TRIM66: variants seen among roughly 807,000 people sequenced by gnomAD.
The protein encoded by TRIM66 is tripartite motif-containing protein 66.
A neutral mutation model predicts 148.2 loss-of-function variants in TRIM66; 99 were observed. The observed-to-expected ratio is 0.67, with a 90% confidence interval of 0.57 to 0.79. The LOEUF (loss-of-function observed/expected upper bound fraction) is 0.79, where lower values mean the gene tolerates loss of function less well. TRIM66 is among the 30% of genes least tolerant of loss of function. TRIM66 has a pLI of 0.00. For synonymous variants in TRIM66, 616 were observed against 635.9 expected, an observed-to-expected ratio of 0.97 and a Z score of 0.47; for missense variants, 1,666 against 1,697.9, an observed-to-expected ratio of 0.98 and a Z score of 0.33.
At chr11:8,682,878 A>G (rs1266317381), upstream of TRIM66, 3 of 1,560,476 alleles carry the variant, frequency 1.9e-6, no homozygotes, top group Middle Eastern at 1.7e-4. Context: ...CTGTATTCCC[A>G]TTGCCCCTAG....
chr11:8,675,405 G>A (rs575313810), intron 3 of TRIM66, among the ~76,000 whole-genome samples: 1 of 152,224 alleles, frequency 6.6e-6, no homozygotes, highest in South Asian at 2.1e-4. Flanking sequence ...TTTTTTAGAT[G>A]CAGTTTTGCC....
chr11:8,620,917 G>A (rs1229191578), intron 20 of TRIM66, 115 bp downstream of exon 20: 1 of 1,361,050 alleles, frequency 7.3e-7, no homozygotes, highest in Non-Finnish European at 9.8e-7. Context: ...ATTCAAGCAG[G>A]TCCAGAAGAG....
intron 6 of TRIM66, among the ~76,000 whole-genome samples, chr11:8,655,346 G>A (rs1406480456): frequency 1.3e-5 from 2 of 152,202 alleles, no homozygotes; most frequent in African/African-American, 4.8e-5. Flanking sequence ...GCCCAGGGCT[G>A]GCAGTATCTA....
chr11:8,645,857 C>A lies in TRIM66; in HGVS notation c.988G>T (p.Glu330Ter). The A allele has an allele frequency of 6.4e-7, 1 of 1,551,682 alleles. No homozygotes were observed. Among genetic ancestry groups the A allele is most frequent in the Non-Finnish European group, 8.7e-7 (1 of 1,146,992 alleles). The change falls in exon 12 of 25, where the codon GAA becomes TAA. Residue 330 changes from glutamate (E) to a stop codon, truncating the protein, a stop_gained. Coordinates refer to ENST00000646038, the MANE Select transcript of TRIM66 (RefSeq NM_001388022.1). LOFTEE classifies it high-confidence loss of function. The part of the protein sequence containing the change: ...GITNERKRKL[E>*]QQLQSIMVLN... ...ACCATGATGCTCTGTAACTGCTGTT[C>A]CAGCTTCCGCTTTCTCTCATTAGTA...
intron 6 of TRIM66, among the ~76,000 whole-genome samples, chr11:8,669,670 G>C (rs1396701523): frequency 6.6e-6 from 1 of 151,720 alleles, no homozygotes; most frequent in Non-Finnish European, 1.5e-5. Context: ...CTCCTTTTGG[G>C]ATTTTATTCA....
At chr11:8,653,711 G>T (rs1428991540) in intron 6 of TRIM66, among the ~76,000 whole-genome samples, 1 of 151,720 alleles carries the variant, frequency 6.6e-6, no homozygotes, top group Non-Finnish European at 1.5e-5. Context: ...TGCAGTAAAA[G>T]CTAACTGATA....
At chr11:8,638,947 G>A (rs1359573347) in intron 14 of TRIM66, 132 bp from the exon 15 acceptor site, 14 of 951,408 alleles carry the variant, frequency 1.5e-5, no homozygotes, top group African/African-American at 5.1e-5. Flanking sequence ...CTGCTTAAAC[G>A]TTTTCCAAAA....
chr11:8,645,281 C>A (rs375372577), intron 12 of TRIM66, among the ~76,000 whole-genome samples: 2 of 152,164 alleles, frequency 1.3e-5, no homozygotes, highest in African/African-American at 4.8e-5. Flanking sequence ...TAAACTCCAT[C>A]GACTTCTCTC....
Position 8,651,792 on chromosome 11 carries a change from T to C in TRIM66, c.444+8A>G. The C allele has an allele frequency of 6.4e-7, 1 of 1,551,096 alleles. No homozygotes were observed. Among genetic ancestry groups the C allele is most frequent in the Non-Finnish European group, 8.7e-7 (1 of 1,146,416 alleles). The stretch of plus-strand genomic sequence containing the variant: ...AGATCAGCTGCTTCTTTCCTTGTCC[T>C]GACTTACCCTGGCCATCTTGGGTTG... On this transcript the variant is annotated splice_region_variant and intron_variant, in intron 7 of 24. Transcript: ENST00000646038.
In TRIM66 at chr11:8,622,817, T is replaced by C; in HGVS notation, c.3079A>G (p.Arg1027Gly). 2 of 1,551,930 alleles carry C rather than the reference T, an allele frequency of 1.3e-6. No individual in the cohort carries two copies. Among genetic ancestry groups the C allele is most frequent in the Non-Finnish European group, 1.7e-6 (2 of 1,147,002 alleles). Residue 1027 changes from arginine to glycine, a missense_variant and splice_region_variant, in exon 18 of 25, where the codon AGA becomes GGA. Transcript: ENST00000646038. ...GGAGATTAGCCAGAAGGCTGTTACCTGATGCTCTGGTTCTCTTTTGCATCC... is the reference window on the plus strand; with the variant it reads ...GGAGATTAGCCAGAAGGCTGTTACCCGATGCTCTGGTTCTCTTTTGCATCC... ...ELDAKENQSIRAFNSEHKIPY... is the reference protein window; with the variant it reads ...ELDAKENQSIGAFNSEHKIPY...
chr11:8,654,586 C>T (rs536014203), intron 6 of TRIM66: 15 of 152,218 alleles, frequency 9.9e-5, no homozygotes, highest in Admixed American at 2.6e-4. Flanking sequence ...TGTCTGCACA[C>T]AAAAATAAAC....
At chr11:8,621,919 G>A in intron 18 of TRIM66, 100 bp from the exon 19 acceptor site, 3 of 1,183,932 alleles carry the variant, frequency 2.5e-6, no homozygotes, top group Non-Finnish European at 3.4e-6. Context: ...TTAATATTGA[G>A]TGTCAACTTG....
chr11:8,664,001 ATGT>A (rs2038427841), intron 6 of TRIM66, among the ~76,000 whole-genome samples: 1 of 152,190 alleles, frequency 6.6e-6, no homozygotes, highest in Non-Finnish European at 1.5e-5. Flanking sequence ...AGTTAGGGAG[ATGT>A]TGGTGAAAGA....
intron 6 of TRIM66, among the ~76,000 whole-genome samples, chr11:8,670,173 C>T (rs149934556): frequency 0.016 from 2,369 of 152,002 alleles, 20 homozygotes; most frequent in East Asian, 0.046. Context: ...ACACCATGCC[C>T]GGCTAATTTT....
Position 8,613,499 on chromosome 11 carries a change from A to C in TRIM66, c.*4445T>G, listed in dbSNP as rs1396719630. ...GAACAGCTGAGGAAGAATCAGTTTA[A>C]AAAGGATCTTTTTAAAAGTAACTTG... On this transcript the variant is annotated 3_prime_UTR_variant, in exon 25 of 25. Transcript: ENST00000646038. The C allele has an allele frequency of 6.6e-6, 1 of 152,202 alleles. No individual in the cohort carries two copies. The highest frequency in any genetic ancestry group is 1.9e-4 in the East Asian group (1 of 5,202). The allele number at this position is 152,202 out of a possible 1,614,324, so 9.4% of individuals were successfully genotyped here.
At chr11:8,679,115 G>A (rs745369360) in intron 3 of TRIM66, 36 of 152,334 alleles carry the variant, frequency 2.4e-4, no homozygotes, top group Middle Eastern at 3.4e-3. Context: ...GTGCCTAGCT[G>A]GGAGGGACAG....
At position 8,619,514 on chromosome 11, in the gene TRIM66, T is replaced by C; in HGVS notation, c.3769A>G (p.Ile1257Val). Reference protein sequence around the residue: ...SPLARHYYQIIKRPMDLSIIR... With the variant: ...SPLARHYYQIVKRPMDLSIIR... Reference sequence around the variant, plus strand: ...ATTGACAGGTCCATGGGCCTCTTGATAATCTGGTAATAATGCCGGGCCTTG... The same window carrying C: ...ATTGACAGGTCCATGGGCCTCTTGACAATCTGGTAATAATGCCGGGCCTTG... Residue 1257 changes from isoleucine to valine, a missense_variant, in exon 23 of 25, where the codon ATC becomes GTC. Ile to Val is a conservative substitution (Grantham distance 29). Coordinates refer to ENST00000646038, the MANE Select transcript of TRIM66 (RefSeq NM_001388022.1). 2 of 1,547,208 alleles carry C rather than the reference T, an allele frequency of 1.3e-6. No homozygotes were observed. The highest frequency in any genetic ancestry group is 2.4e-5 in the South Asian group (2 of 83,022).
At chr11:8,632,173 T>A (rs1252732711) in intron 15 of TRIM66, among the ~76,000 whole-genome samples, 4 of 152,114 alleles carry the variant, frequency 2.6e-5, no homozygotes, top group Non-Finnish European at 5.9e-5. Context: ...CTGGGTGTGG[T>A]GGCATGCGCC....
chr11:8,671,946 C>T lies in TRIM66; in HGVS notation c.180G>A (p.Gln60=), dbSNP rs2038958637. Residue 60 remains glutamine (Q), a synonymous_variant, in exon 6 of 25, where the codon CAG becomes CAA. Transcript: ENST00000646038. ...AGQKHCPKSG[Q]MEAMVMTCSL... is the part of the protein sequence containing the mutation. Reference sequence around the variant, plus strand: ...AGCAGGTCATTACCATGGCCTCCATCTGTCCACTCTTAGGGCAGTGTTTCT... The same window carrying T: ...AGCAGGTCATTACCATGGCCTCCATTTGTCCACTCTTAGGGCAGTGTTTCT... The T allele has an allele frequency of 6.5e-7, 1 of 1,536,056 alleles. No homozygotes were observed. The highest frequency in any genetic ancestry group is 8.7e-7 in the Non-Finnish European group (1 of 1,146,926).
Sources: allele counts gnomAD v4.1 joint callset (sites outside exome capture counted in the v4.1 genomes callset), GRCh38; gene constraint gnomAD v4.1.1; transcripts MANE v1.5; gene names NCBI Gene and HGNC (gene_info 2026-07-23, HGNC 2026-07-21).